The following DLG2 variants were observed in gnomAD, a reference collection of about 807,000 sequenced individuals.
DLG2 encodes disks large homolog 2.
A neutral mutation model predicts 132.5 loss-of-function variants in DLG2; 45 were observed. The ratio of observed to expected loss-of-function variants is 0.34; its 90% CI spans 0.27 to 0.44. The LOEUF is 0.44. DLG2 is among the 20% of genes least tolerant of loss of function. The probability of loss-of-function intolerance (pLI) is 1.00; values close to 1 mark genes in which losing one functional copy is unlikely to be tolerated. For missense variants in DLG2, 1,045 were observed against 1,196.9 expected, an observed-to-expected ratio of 0.87 and a Z score of 1.87; for synonymous variants, 424 against 419.6, an observed-to-expected ratio of 1.01 and a Z score of -0.13.
chr11:85,267,905 T>C (rs1321738164), intron 4 of DLG2, among the ~76,000 whole-genome samples: 2 of 151,914 alleles, frequency 1.3e-5, no homozygotes, highest in Non-Finnish European at 2.9e-5. Context: ...TGTGTGTGTG[T>C]GTACGTATGT....
intron 5 of DLG2, among the ~76,000 whole-genome samples, chr11:85,150,879 T>C (rs747031104): frequency 6.6e-6 from 1 of 152,170 alleles, no homozygotes; most frequent in Non-Finnish European, 1.5e-5. Flanking sequence ...TTGAATTCTT[T>C]TGGATATTTA....
At chr11:85,377,842 T>C (rs1490448194) in intron 3 of DLG2, among the ~76,000 whole-genome samples, 1 of 149,636 alleles carries the variant, frequency 6.7e-6, no homozygotes, top group Non-Finnish European at 1.5e-5. Context: ...TATATGTGTG[T>C]ATACATATAT....
intron 2 of DLG2, among the ~76,000 whole-genome samples, chr11:85,614,993 T>C (rs1291433262): frequency 2.0e-5 from 3 of 152,222 alleles, no homozygotes; most frequent in Non-Finnish European, 2.9e-5. Context: ...AATTATTCTT[T>C]GCAATTATAC....
At chr11:83,980,464 G>A in intron 12 of DLG2, 42 bp downstream of exon 12, 2 of 1,584,318 alleles carry the variant, frequency 1.3e-6, no homozygotes, top group Non-Finnish European at 1.7e-6. Flanking sequence ...GAAAACAAGA[G>A]CTTTATAAAT....
intron 4 of DLG2, among the ~76,000 whole-genome samples, chr11:85,156,362 A>G (rs1397763343): frequency 6.6e-6 from 1 of 152,214 alleles, no homozygotes; most frequent in Non-Finnish European, 1.5e-5. Context: ...TAGAATAAAT[A>G]CATATTTGTT....
intron 19 of DLG2, among the ~76,000 whole-genome samples, chr11:83,569,134 T>C (rs2096756806): frequency 6.6e-6 from 1 of 152,202 alleles, no homozygotes; most frequent in Admixed American, 6.5e-5. Context: ...GAAATATCAT[T>C]AATAAATTCA....
intron 6 of DLG2, among the ~76,000 whole-genome samples, chr11:85,079,393 C>T (rs961263512): frequency 6.6e-6 from 1 of 151,922 alleles, no homozygotes; most frequent in African/African-American, 2.4e-5. Context: ...CAACCCATTC[C>T]CATCATGGCC....
chr11:85,406,030 A>T (rs1394869464), intron 3 of DLG2, among the ~76,000 whole-genome samples: 1 of 151,938 alleles, frequency 6.6e-6, no homozygotes, highest in Non-Finnish European at 1.5e-5. Context: ...GTTATCATCT[A>T]ATCACTACAG....
At chr11:84,466,308 T>C (rs2099094180) in intron 7 of DLG2, among the ~76,000 whole-genome samples, 1 of 151,284 alleles carries the variant, frequency 6.6e-6, no homozygotes, top group African/African-American at 2.4e-5. Context: ...GTAACTATGA[T>C]GCAAACATAT....
intron 3 of DLG2, among the ~76,000 whole-genome samples, chr11:85,470,938 C>G (rs563243769): frequency 8.5e-5 from 13 of 152,230 alleles, no homozygotes; most frequent in South Asian, 8.3e-4. Context: ...TAAATCCAGA[C>G]GCAACTGTCT....
intron 21 of DLG2, among the ~76,000 whole-genome samples, chr11:83,517,414 C>G (rs757994987): frequency 2.0e-5 from 3 of 152,116 alleles, no homozygotes; most frequent in Non-Finnish European, 2.9e-5. Context: ...TTCTAGCTAG[C>G]CATTCGTCTA....
rs187059526 is a variant in DLG2, at chr11:84,081,982, C to T, written c.749+16941G>A. 7.9e-3 allele frequency among the ~76,000 whole-genome samples: 1,197 copies of T among 152,246 alleles called. 9 individuals carry two copies. Among genetic ancestry groups the T allele is most frequent in the Non-Finnish European group, 9.9e-3 (672 of 68,002 alleles). On this transcript the variant is annotated intron_variant, in intron 10 of 27. Coordinates refer to ENST00000376104, the MANE Select transcript of DLG2 (RefSeq NM_001142699.3). ...TATTTCTCCATATGCTCTCCAGCAC[C>T]TGTTGTTTCCTGACTTTTTAATGAT...
At chr11:84,451,368 T>A (rs1235433981) in intron 7 of DLG2, among the ~76,000 whole-genome samples, 1 of 151,906 alleles carries the variant, frequency 6.6e-6, no homozygotes, top group Non-Finnish European at 1.5e-5. Context: ...AGCAGATAAT[T>A]ATTTTTTCTT....
At chr11:83,600,236 G>GGGGGGTGTGT (rs142616504) in intron 19 of DLG2, among the ~76,000 whole-genome samples, 1 of 145,512 alleles carries the variant, frequency 6.9e-6, no homozygotes, top group African/African-American at 2.6e-5. Flanking sequence ...CTAGCTATAG[G>GGGGGGTGTGT]GTGTGTGTGT....
chr11:84,360,279 T>G (rs1263963267), intron 7 of DLG2, among the ~76,000 whole-genome samples: 1 of 151,790 alleles, frequency 6.6e-6, no homozygotes, highest in African/African-American at 2.4e-5. Context: ...AAGTAAAGGT[T>G]TGAAGAAGAC....
chr11:85,411,234 A>G (rs1375131084), intron 3 of DLG2, among the ~76,000 whole-genome samples: 1 of 151,792 alleles, frequency 6.6e-6, no homozygotes, highest in Non-Finnish European at 1.5e-5. Context: ...TACATCTGCA[A>G]AAAATTAAAA....
intron 15 of DLG2, among the ~76,000 whole-genome samples, chr11:83,889,769 C>T (rs2069133592): frequency 2.0e-5 from 3 of 152,036 alleles, no homozygotes; most frequent in Admixed American, 2.0e-4. Context: ...CCATGGAATA[C>T]TATGCAGCCA....
intron 15 of DLG2, among the ~76,000 whole-genome samples, chr11:83,893,483 A>C (rs2070629126): frequency 6.6e-6 from 1 of 152,094 alleles, no homozygotes; most frequent in Non-Finnish European, 1.5e-5. Flanking sequence ...ATCTGCATTC[A>C]TTGATTGCTT....
chr11:84,277,190 A>T (rs2097790879), intron 7 of DLG2, among the ~76,000 whole-genome samples: 1 of 152,238 alleles, frequency 6.6e-6, no homozygotes, highest in South Asian at 2.1e-4. Context: ...ATCTGTAAAG[A>T]TAGAGAAGAC....
Sources: gnomAD v4.1 joint callset for allele counts (sites outside exome capture counted in the v4.1 genomes callset) on GRCh38, gnomAD v4.1.1 for gene constraint, MANE v1.5 for transcripts, NCBI Gene and HGNC (gene_info 2026-07-23, HGNC 2026-07-21) for gene names.